Variants in VPS13D observed in about 807,000 individuals in gnomAD.
The protein encoded by VPS13D is vacuolar protein sorting 13 homolog D, also known as intermembrane lipid transfer protein VPS13D.
A neutral mutation model predicts 461.9 loss-of-function variants in VPS13D; 187 were observed. That is an observed-to-expected ratio of 0.40 (90% CI 0.36 to 0.46). The LOEUF (loss-of-function observed/expected upper bound fraction) is 0.46. Among genes scored for constraint, VPS13D ranks in the 20% least tolerant of loss-of-function variants. VPS13D has a pLI of 0.60. For missense variants in VPS13D, 4,711 were observed against 5,364.9 expected (o/e 0.88, Z 3.81); for synonymous variants, 1,951 against 1,986.3 (o/e 0.98, Z 0.47).
chr1:12,377,116 A>G (rs1405022226), intron 55 of VPS13D, among the ~76,000 whole-genome samples: 1 of 151,166 alleles, frequency 6.6e-6, no homozygotes, highest in Admixed American at 6.6e-5. Context: ...CTAGAGTGCA[A>G]TGGCGCAATC....
chr1:12,330,288 G>A (rs1306107230), intron 37 of VPS13D, among the ~76,000 whole-genome samples: 1 of 151,942 alleles, frequency 6.6e-6, no homozygotes, highest in Admixed American at 6.5e-5. Flanking sequence ...GGTGGTGGGC[G>A]CCTGTAGTCC....
intron 65 of VPS13D, among the ~76,000 whole-genome samples, chr1:12,443,467 A>G (rs1355320574): frequency 6.6e-6 from 1 of 152,230 alleles, no homozygotes; most frequent in African/African-American, 2.4e-5. Flanking sequence ...AACACATATA[A>G]AAGTCTCTCC....
At chr1:12,407,254 AGTTTT>A (rs1401770174) in intron 63 of VPS13D, 1 of 152,254 alleles carries the variant, frequency 6.6e-6, no homozygotes, top group Non-Finnish European at 1.5e-5. Context: ...AATTCCAGAC[AGTTTT>A]GTTTAGTGCA....
chr1:12,400,960 G>GCACA (rs1348890891), intron 61 of VPS13D, among the ~76,000 whole-genome samples: 6,681 of 130,626 alleles, frequency 0.051, 187 homozygotes, highest in Non-Finnish European at 0.055. Context: ...ACCTGCGCGC[G>GCACA]CGCACACACA....
intron 67 of VPS13D, among the ~76,000 whole-genome samples, chr1:12,493,623 C>T (rs1645917578): frequency 6.6e-6 from 1 of 152,112 alleles, no homozygotes; most frequent in South Asian, 2.1e-4. Flanking sequence ...CATGGTCATA[C>T]TCGTTTAAAA....
chr1:12,342,534 T>G (rs931651900), intron 41 of VPS13D, among the ~76,000 whole-genome samples: 1 of 152,230 alleles, frequency 6.6e-6, no homozygotes, highest in African/African-American at 2.4e-5. Flanking sequence ...CCCCCAAGTA[T>G]GAGACTGCTC....
At chr1:12,242,616 GA>G in intron 3 of VPS13D, 26 bp downstream of exon 3, 3 of 1,552,642 alleles carry the variant, frequency 1.9e-6, no homozygotes, top group Non-Finnish European at 2.7e-6. Flanking sequence ...GGAGGGGGAA[GA>G]AATTTGAGTC....
intron 65 of VPS13D, among the ~76,000 whole-genome samples, chr1:12,434,290 C>G (rs1157006575): frequency 6.6e-6 from 1 of 152,038 alleles, no homozygotes; most frequent in Non-Finnish European, 1.5e-5. Context: ...AAATAGGTAC[C>G]TATTTGTGGT....
Position 12,405,961 on chromosome 1 carries a change from C to G in VPS13D, c.12030+1988C>G, listed in dbSNP as rs150863275. Among the ~76,000 whole-genome samples the G allele has an allele frequency of 9.5e-3, 1,449 of 152,288 alleles. 29 individuals are homozygous for G. The highest frequency in any genetic ancestry group is 0.034 in the African/African-American group (1,394 of 41,564). On this transcript the variant is annotated intron_variant, in intron 63 of 69. Coordinates refer to ENST00000620676, the MANE Select transcript of VPS13D (RefSeq NM_015378.4). The stretch of plus-strand genomic sequence containing the variant: ...TTCTGCAGTTGAAGTAGCTCCAGCC[C>G]CCCCCAGTTACATGATGGTTGTGTG...
In VPS13D at chr1:12,353,675, GAATATCGATTGGAA is replaced by G. The variant is rs560215069; in HGVS notation, c.9432-296_9432-283del. Among the ~76,000 whole-genome samples the G allele has an allele frequency of 1.9e-3, 289 of 152,082 alleles. 1 individual carries two copies. Among genetic ancestry groups the G allele is most frequent in the African/African-American group, 6.5e-3 (269 of 41,472 alleles). ...AAGGGGTTGCCTGAATGATGGAGGAGAATATCGATTGGAAAAGGACATGAGGGAACTTTCTGGGG... is the reference window on the plus strand; with the variant it reads ...AAGGGGTTGCCTGAATGATGGAGGAGAAGGACATGAGGGAACTTTCTGGGG... On this transcript the variant is annotated intron_variant, in intron 46 of 69. Coordinates refer to ENST00000620676, the MANE Select transcript of VPS13D (RefSeq NM_015378.4).
chr1:12,283,092 A>T lies in VPS13D; in HGVS notation c.4990A>T (p.Ile1664Phe), dbSNP rs753565202. 5.6e-6 allele frequency: 9 copies of T among 1,614,204 alleles called. No homozygotes were observed. Among genetic ancestry groups the T allele is most frequent in the Non-Finnish European group, 7.6e-6 (9 of 1,180,024 alleles). ...TAAAGACCATCCCCAGACTTTATCT[A>T]TTCAGATTGCCCTGCATTCTCTGCT... is the stretch of plus-strand genomic sequence containing the variant. ...FSKDHPQTLS[I>F]QIALHSLLME... is the part of the protein sequence containing the mutation. Residue 1664 changes from isoleucine to phenylalanine, a missense_variant, in exon 21 of 70, where the codon ATT (isoleucine) becomes TTT (phenylalanine). By Grantham distance (21) the Ile-to-Phe change is conservative. Coordinates refer to ENST00000620676, the MANE Select transcript of VPS13D (RefSeq NM_015378.4).
chr1:12,414,972 C>T, intron 63 of VPS13D, 115 bp from the exon 64 acceptor site: 1 of 1,246,640 alleles, frequency 8.0e-7, no homozygotes, highest in Non-Finnish European at 1.1e-6. Context: ...ACATCAAAAC[C>T]TGACCCTCAT....
intron 63 of VPS13D, among the ~76,000 whole-genome samples, chr1:12,407,698 GTAAGGATAACTTTTACT>G (rs1644673229): frequency 6.6e-6 from 1 of 152,162 alleles, no homozygotes; most frequent in African/African-American, 2.4e-5. Flanking sequence ...AAATGACTAG[GTAAGGATAACTTTTACT>G]TAAGGGCCAG....
At chr1:12,478,281 C>A (rs1213377244) in intron 67 of VPS13D, among the ~76,000 whole-genome samples, 1 of 152,266 alleles carries the variant, frequency 6.6e-6, no homozygotes, top group African/African-American at 2.4e-5. Flanking sequence ...TGGGCCGGCC[C>A]AGGCCGAGGA....
chr1:12,431,686 T>C (rs1175276809), intron 65 of VPS13D, among the ~76,000 whole-genome samples: 3 of 152,030 alleles, frequency 2.0e-5, no homozygotes, highest in Admixed American at 1.3e-4. Context: ...GCCTGTGATC[T>C]AGGAAGCCCT....
intron 67 of VPS13D, among the ~76,000 whole-genome samples, chr1:12,476,725 T>C (rs186367713): frequency 1.3e-5 from 2 of 152,242 alleles, no homozygotes; most frequent in Non-Finnish European, 2.9e-5. Flanking sequence ...CCAGAACAAA[T>C]AGTATACAAA....
At chr1:12,355,419 A>G (rs1225533363) in intron 47 of VPS13D, among the ~76,000 whole-genome samples, 2 of 152,222 alleles carry the variant, frequency 1.3e-5, no homozygotes, top group Non-Finnish European at 2.9e-5. Context: ...AAGAGCTAGA[A>G]GAGAGGATTT....
intron 50 of VPS13D, among the ~76,000 whole-genome samples, chr1:12,359,479 G>A (rs1341022941): frequency 6.6e-6 from 1 of 152,098 alleles, no homozygotes; most frequent in Non-Finnish European, 1.5e-5. Context: ...GGCAAGTATG[G>A]CTGAGGAATT....
At position 12,271,258 on chromosome 1, in the gene VPS13D, C is replaced by G. The variant is rs375852484; in HGVS notation, c.2103+134C>G. ...CTGAGTAAACTGAAAATATTAAATC[C>G]TTATCAGCTAGCATAGAATAGAATC... is the stretch of plus-strand genomic sequence containing the variant. On this transcript the variant is annotated intron_variant, in intron 17 of 69. Transcript: ENST00000620676. 14 of 1,137,106 alleles carry G rather than the reference C, an allele frequency of 1.2e-5. No homozygotes were observed. The East Asian group carries it at 1.7e-4, about 14-fold the overall frequency. The allele number at this position is 1,137,106 out of a possible 1,614,324, so 70.4% of individuals were successfully genotyped here.
Sources: allele counts gnomAD v4.1 joint callset (sites outside exome capture counted in the v4.1 genomes callset), GRCh38; gene constraint gnomAD v4.1.1; transcripts MANE v1.5; gene names NCBI Gene and HGNC (gene_info 2026-07-23, HGNC 2026-07-21).